Variants in SCUBE3 observed in about 807,000 individuals in gnomAD.
The protein encoded by SCUBE3 is signal peptide, CUB domain and EGF like domain containing 3, also known as signal peptide, CUB and EGF-like domain-containing protein 3.
Under a neutral mutation model 116.8 loss-of-function variants are expected in SCUBE3, and 33 were observed. That is an observed-to-expected ratio of 0.28 (90% CI 0.21 to 0.38). The LOEUF (loss-of-function observed/expected upper bound fraction) is 0.38. SCUBE3 is among the 10% of genes least tolerant of loss of function. The pLI is 1.00. For missense variants in SCUBE3, 1,007 were observed against 1,324.8 expected (o/e 0.76, Z 3.72); for synonymous variants, 418 against 496.9 (o/e 0.84, Z 2.11).
chr6:35,216,893 G>A (rs1250864883), intron 1 of SCUBE3, among the ~76,000 whole-genome samples: 3 of 151,992 alleles, frequency 2.0e-5, no homozygotes, highest in East Asian at 3.9e-4. Context: ...GACAAGGAAG[G>A]GAGCCCTAAG....
At chr6:35,234,470 A>G (rs992053102) in intron 6 of SCUBE3, among the ~76,000 whole-genome samples, 6 of 152,138 alleles carry the variant, frequency 3.9e-5, no homozygotes, top group African/African-American at 1.4e-4. Flanking sequence ...AGACTGGCAC[A>G]TCCATTTCTA....
chr6:35,246,426 C>A, intron 21 of SCUBE3, 141 bp downstream of exon 21: 1 of 660,890 alleles, frequency 1.5e-6, no homozygotes. Flanking sequence ...TCCATTGCTT[C>A]TTTACAGATG....
In SCUBE3 at chr6:35,241,584, A is replaced by G. The variant is rs1445280255; in HGVS notation, c.1237A>G (p.Met413Val). 1 of 1,614,200 alleles carries G rather than the reference A, an allele frequency of 6.2e-7. No homozygotes were observed. Among genetic ancestry groups the G allele is most frequent in the Non-Finnish European group, 8.5e-7 (1 of 1,180,022 alleles). The change falls in exon 11 of 22, where the codon ATG (methionine) becomes GTG (valine). Residue 413 changes from methionine (M) to valine (V), a missense_variant. Transcript: ENST00000274938. The surrounding 1 kb of genome is among the most constrained non-coding windows in gnomAD (Gnocchi z 4.1). The part of the protein sequence containing the change: ...CQGSPGASKA[M>V]LSCNRSGKKD... ...GGGCAGTCCTGGGGCCTCGAAAGCC[A>G]TGCTCAGCTGCAACCGGTCTGGCAA...
Position 35,241,606 on chromosome 6 carries a change from G to A in SCUBE3, c.1259G>A (p.Gly420Asp). The change falls in exon 11 of 22, where the codon GGC becomes GAC. Residue 420 changes from glycine (G) to aspartate (D), a missense_variant. Around this residue, in one of 5 missense-constraint regions of SCUBE3, gnomAD observed 544 missense variants for 638.9 expected, o/e 0.85. Transcript: ENST00000274938. The surrounding 1 kb of genome is among the most constrained non-coding windows in gnomAD (Gnocchi z 4.1). The part of the protein sequence containing the change: ...SKAMLSCNRS[G>D]KKDTCALTCP... ...GCCATGCTCAGCTGCAACCGGTCTG[G>A]CAAGAAGGACACCTGTGCCCTGACC... 6.2e-7 allele frequency: 1 copy of A among 1,614,186 alleles called. No homozygotes were observed. The highest frequency in any genetic ancestry group is 8.5e-7 in the Non-Finnish European group (1 of 1,180,018).
Position 35,214,489 on chromosome 6 carries a change from G to A in SCUBE3, c.71G>A (p.Ser24Asn). The change falls in exon 1 of 22, where the codon AGC becomes AAC. Residue 24 changes from serine (S) to asparagine (N), a missense_variant. Ser to Asn is a conservative substitution (Grantham distance 46, BLOSUM62 1). Around this residue, in one of 5 missense-constraint regions of SCUBE3, gnomAD observed 94 missense variants for 92.0 expected, o/e 1.02. Transcript: ENST00000274938. The surrounding 1 kb of genome is among the most constrained non-coding windows in gnomAD (Gnocchi z 6.3). ...GTCCACGCCCGCGCCGCCCAGTACA[G>A]CAAAGCCGCGCAAGGTAAGGAAGGA... ...LLVHARAAQY[S>N]KAAQDVDECV... 1 of 1,499,946 alleles carries A rather than the reference G, an allele frequency of 6.7e-7. No individual in the cohort carries two copies. Among genetic ancestry groups the A allele is most frequent in the Non-Finnish European group, 8.9e-7 (1 of 1,127,720 alleles). 92.9% of individuals were successfully genotyped at this position (1,499,946 alleles called of 1,614,324 possible).
Position 35,245,330 on chromosome 6 carries a change from A to T in SCUBE3, c.2504A>T (p.Asn835Ile), listed in dbSNP as rs760822775. The T allele has an allele frequency of 6.2e-7, 1 of 1,613,654 alleles. No individual in the cohort carries two copies. The highest frequency in any genetic ancestry group is 8.5e-7 in the Non-Finnish European group (1 of 1,179,936). The stretch of plus-strand genomic sequence containing the variant: ...GGTGTGGAGTGCATCTGGAACATCA[A>T]CCCCCCACCCAAGCGCAAGATCCTT... ...PAGVECIWNI[N>I]PPPKRKILIV... Residue 835 changes from asparagine (N) to isoleucine (I), a missense_variant, in exon 19 of 22, where the codon AAC becomes ATC. Transcript: ENST00000274938. The surrounding 1 kb of genome is among the most constrained non-coding windows in gnomAD (Gnocchi z 4.2).
At chr6:35,227,354 A>C (rs1214897028) in intron 1 of SCUBE3, among the ~76,000 whole-genome samples, 1 of 152,196 alleles carries the variant, frequency 6.6e-6, no homozygotes, top group Non-Finnish European at 1.5e-5. Context: ...TTTAGCTGTC[A>C]CTGTGAATTT....
Position 35,232,892 on chromosome 6 carries a change from T to G in SCUBE3, c.512T>G (p.Ile171Ser). 1 of 1,614,102 alleles carries G rather than the reference T, an allele frequency of 6.2e-7. No homozygotes were observed. Among genetic ancestry groups the G allele is most frequent in the Non-Finnish European group, 8.5e-7 (1 of 1,179,984 alleles). ...CMNKNHGCAHICRETPKGGIA... is the reference protein window; with the variant it reads ...CMNKNHGCAHSCRETPKGGIA... Reference sequence around the variant, plus strand: ...AACAAGAACCACGGCTGTGCCCACATTTGCCGGGAGACACCCAAGGGGGGT... The same window carrying G: ...AACAAGAACCACGGCTGTGCCCACAGTTGCCGGGAGACACCCAAGGGGGGT... The change falls in exon 5 of 22, where the codon ATT becomes AGT. Residue 171 changes from isoleucine to serine, a missense_variant. By Grantham distance (142) the Ile-to-Ser change is moderately radical. Around this residue, in one of 5 missense-constraint regions of SCUBE3, gnomAD observed 214 missense variants for 316.7 expected, o/e 0.68. Transcript: ENST00000274938. The surrounding 1 kb of genome is among the most constrained non-coding windows in gnomAD (Gnocchi z 4.2).
chr6:35,241,581 G>T lies in SCUBE3; in HGVS notation c.1234G>T (p.Ala412Ser). The T allele has an allele frequency of 1.2e-6, 2 of 1,614,204 alleles. No individual in the cohort carries two copies. The highest frequency in any genetic ancestry group is 1.7e-6 in the Non-Finnish European group (2 of 1,180,024). ...KCQGSPGASK[A>S]MLSCNRSGKK... ...TCAGGGCAGTCCTGGGGCCTCGAAAGCCATGCTCAGCTGCAACCGGTCTGG... is the reference window on the plus strand; with the variant it reads ...TCAGGGCAGTCCTGGGGCCTCGAAATCCATGCTCAGCTGCAACCGGTCTGG... Residue 412 changes from alanine (A) to serine (S), a missense_variant, in exon 11 of 22, where the codon GCC becomes TCC. Transcript: ENST00000274938. This position sits in a 1 kb window ranked among gnomAD's most constrained non-coding sequence, Gnocchi z 4.1.
Position 35,214,545 on chromosome 6 carries a change from G to A in SCUBE3, c.85+42G>A, listed in dbSNP as rs1782810374. ...GCGCGGCCTGGGGGCTGTCCTGGCTGCTGGGCCTCAGGGCCTAGGAGCGAT... is the reference window on the plus strand; with the variant it reads ...GCGCGGCCTGGGGGCTGTCCTGGCTACTGGGCCTCAGGGCCTAGGAGCGAT... On this transcript the variant is annotated intron_variant, in intron 1 of 21. Coordinates refer to ENST00000274938, the MANE Select transcript of SCUBE3 (RefSeq NM_152753.4). This position sits in a 1 kb window ranked among gnomAD's most constrained non-coding sequence, Gnocchi z 6.3. 6 of 1,319,372 alleles carry A rather than the reference G, an allele frequency of 4.5e-6. No homozygotes were observed. In the African/African-American group the frequency reaches 6.1e-5, roughly 13 times the overall value. 81.7% of individuals were successfully genotyped at this position (1,319,372 alleles called of 1,614,324 possible).
chr6:35,237,868 C>G (rs757191691), intron 6 of SCUBE3, 34 bp from the exon 7 acceptor site: 2 of 1,388,264 alleles, frequency 1.4e-6, no homozygotes, highest in African/African-American at 2.8e-5. Context: ...AGGCTTGTAA[C>G]CTCATTACCA....
At position 35,244,675 on chromosome 6, in the gene SCUBE3, C is replaced by T. The variant is rs1335111088; in HGVS notation, c.2265C>T (p.Tyr755=). The part of the protein sequence containing the change: ...TKVQCSPGHY[Y]NTSIHRCIRC... The stretch of plus-strand genomic sequence containing the variant: ...TCCAGTGCTCCCCAGGGCACTACTA[C>T]AACACCAGCATCCACCGCTGTATTC... The change falls in exon 18 of 22, where the codon TAC becomes TAT. Residue 755 remains tyrosine (Y), a synonymous_variant. Transcript: ENST00000274938. This position sits in a 1 kb window ranked among gnomAD's most constrained non-coding sequence, Gnocchi z 4.3. 4 of 1,614,162 alleles carry T rather than the reference C, an allele frequency of 2.5e-6. No homozygotes were observed. Among genetic ancestry groups the T allele is most frequent in the Non-Finnish European group, 3.4e-6 (4 of 1,179,998 alleles).
chr6:35,214,512 G>A lies in SCUBE3; in HGVS notation c.85+9G>A. The A allele has an allele frequency of 6.8e-7, 1 of 1,465,976 alleles. No individual in the cohort carries two copies. Among genetic ancestry groups the A allele is most frequent in the South Asian group, 1.3e-5 (1 of 76,150 alleles). 90.8% of individuals were successfully genotyped at this position (1,465,976 alleles called of 1,614,324 possible). A position where few individuals can be genotyped will look rare whatever the true frequency, so the allele number is the denominator to read the frequency against. Reference sequence around the variant, plus strand: ...CAGCAAAGCCGCGCAAGGTAAGGAAGGAGGGGCGCGCGGCCTGGGGGCTGT... The same window carrying A: ...CAGCAAAGCCGCGCAAGGTAAGGAAAGAGGGGCGCGCGGCCTGGGGGCTGT... On this transcript the variant is annotated intron_variant, in intron 1 of 21. Transcript: ENST00000274938. This position sits in a 1 kb window ranked among gnomAD's most constrained non-coding sequence, Gnocchi z 6.3.
Position 35,243,001 on chromosome 6 carries a change from A to C in SCUBE3, c.1694-20A>C. 1 of 1,611,008 alleles carries C rather than the reference A, an allele frequency of 6.2e-7. No homozygotes were observed. On this transcript the variant is annotated intron_variant, in intron 14 of 21. Coordinates refer to ENST00000274938, the MANE Select transcript of SCUBE3 (RefSeq NM_152753.4). The surrounding 1 kb of genome is among the most constrained non-coding windows in gnomAD (Gnocchi z 6.6). ...AGCAACTCTTTCTCCTCCCTGATAC[A>C]CACGGCCATCCACCACCAGCCAGCT...
At position 35,243,740 on chromosome 6, in the gene SCUBE3, G is replaced by A. The variant is rs199636613; in HGVS notation, c.2056G>A (p.Val686Ile). ...CCACGGGCCTCTTGGAGCCACCAAC[G>A]TCACCACGTGTGCAGGTGCCAGGGG... is the stretch of plus-strand genomic sequence containing the variant. Reference protein sequence around the residue: ...DAHGPLGATNVTTCAGQCPPG... With the variant: ...DAHGPLGATNITTCAGQCPPG... Residue 686 changes from valine to isoleucine, a missense_variant, in exon 16 of 22, where the codon GTC becomes ATC. Physicochemically the swap from Val to Ile is conservative, Grantham distance 29. Coordinates refer to ENST00000274938, the MANE Select transcript of SCUBE3 (RefSeq NM_152753.4). The surrounding 1 kb of genome is among the most constrained non-coding windows in gnomAD (Gnocchi z 6.6). 159 of 1,614,004 alleles carry A rather than the reference G, an allele frequency of 9.9e-5. No homozygotes were observed. The highest frequency in any genetic ancestry group is 1.2e-4 in the Non-Finnish European group (146 of 1,179,932).
In SCUBE3 at chr6:35,244,740, A is replaced by T; in HGVS notation, c.2330A>T (p.Asn777Ile). The T allele has an allele frequency of 6.2e-7, 1 of 1,614,214 alleles. No homozygotes were observed. The highest frequency in any genetic ancestry group is 8.5e-7 in the Non-Finnish European group (1 of 1,180,038). Residue 777 changes from asparagine (N) to isoleucine (I), a missense_variant, in exon 18 of 22, where the codon AAC becomes ATC. Asn to Ile is a moderately radical substitution (Grantham distance 149, BLOSUM62 -3). This residue lies in a region of SCUBE3 where 544 missense variants were observed against 638.9 expected (regional missense o/e 0.85). Transcript: ENST00000274938. This position sits in a 1 kb window ranked among gnomAD's most constrained non-coding sequence, Gnocchi z 4.3. ...MGSYQPDFRQNFCSRCPGNTS... is the reference protein window; with the variant it reads ...MGSYQPDFRQIFCSRCPGNTS... ...TCCTATCAGCCCGACTTCCGTCAGA[A>T]CTTCTGCAGCCGCTGTCCAGGAAAC... is the stretch of plus-strand genomic sequence containing the variant.
chr6:35,237,761 C>A, intron 6 of SCUBE3, 141 bp from the exon 7 acceptor site: 1 of 614,508 alleles, frequency 1.6e-6, no homozygotes, highest in South Asian at 2.2e-5. Context: ...TGGGAGCCTC[C>A]CTTGGCTTAA....
intron 1 of SCUBE3, among the ~76,000 whole-genome samples, chr6:35,225,732 A>AACTG (rs1783297578): frequency 6.6e-6 from 1 of 152,220 alleles, no homozygotes; most frequent in Non-Finnish European, 1.5e-5. Flanking sequence ...GAGGACAGAT[A>AACTG]ACTGTCTCAA....
Position 35,237,202 on chromosome 6 carries a change from C to G in SCUBE3, c.713-700C>G, listed in dbSNP as rs960306519. Among the ~76,000 whole-genome samples, 10 of 152,146 alleles carry G rather than the reference C, an allele frequency of 6.6e-5. No homozygotes were observed. The East Asian group carries it at 9.6e-4, about 15-fold the overall frequency. On this transcript the variant is annotated intron_variant, in intron 6 of 21. Transcript: ENST00000274938. Reference sequence around the variant, plus strand: ...CTCCCCTCTCCTATACAACATCTCCCCATTAGCAGAGTAAAACAACAAAAC... The same window carrying G: ...CTCCCCTCTCCTATACAACATCTCCGCATTAGCAGAGTAAAACAACAAAAC...
Sources: allele counts gnomAD v4.1 joint callset (sites outside exome capture counted in the v4.1 genomes callset), GRCh38; gene constraint gnomAD v4.1.1; regional missense constraint gnomAD v4.1.1; non-coding constraint Gnocchi (gnomAD v3.1); transcripts MANE v1.5; gene names NCBI Gene and HGNC (gene_info 2026-07-23, HGNC 2026-07-21).